The following C8orf34 variants were observed in gnomAD, a reference collection of about 807,000 sequenced individuals.
C8orf34 encodes the protein chromosome 8 open reading frame 34, also known as uncharacterized protein C8orf34.
A neutral mutation model predicts 68.3 loss-of-function variants in C8orf34; 65 were observed. That is an observed-to-expected ratio of 0.95 (90% CI 0.78 to 1.17). The LOEUF (loss-of-function observed/expected upper bound fraction) is 1.17, where lower values mean the gene tolerates loss of function less well. C8orf34 is among the 50% of genes most tolerant of loss of function. C8orf34 has a pLI of 0.00. For synonymous variants in C8orf34, 244 were observed against 241.2 expected, an observed-to-expected ratio of 1.01 and a Z score of -0.11; for missense variants, 664 against 655.4, an observed-to-expected ratio of 1.01 and a Z score of -0.14.
intron 1 of C8orf34, among the ~76,000 whole-genome samples, chr8:68,349,303 C>T (rs1234962244): frequency 1.3e-5 from 2 of 152,012 alleles, no homozygotes; most frequent in Admixed American, 6.6e-5. Context: ...GTTGAACCAG[C>T]TTTGCATCCT....
intron 1 of C8orf34, among the ~76,000 whole-genome samples, chr8:68,386,065 C>T (rs1276538341): frequency 3.3e-5 from 5 of 152,062 alleles, no homozygotes; most frequent in Non-Finnish European, 7.4e-5. Context: ...GTCCACCACA[C>T]TTGGTTAAGG....
At chr8:68,386,203 C>T (rs2676651) in intron 1 of C8orf34, among the ~76,000 whole-genome samples, 13,210 of 152,134 alleles carry the variant, frequency 0.087, 666 homozygotes, top group Middle Eastern at 0.12. Context: ...CACCCATACC[C>T]GGCCTATTTA....
At chr8:68,459,355 G>A (rs781049594) in intron 3 of C8orf34, among the ~76,000 whole-genome samples, 7 of 151,974 alleles carry the variant, frequency 4.6e-5, no homozygotes, top group Non-Finnish European at 1.0e-4. Context: ...TCAGCCTCCC[G>A]AGTAGCTGGG....
intron 7 of C8orf34, among the ~76,000 whole-genome samples, chr8:68,588,752 A>T (rs1167487667): frequency 6.6e-6 from 1 of 152,180 alleles, no homozygotes; most frequent in Non-Finnish European, 1.5e-5. Flanking sequence ...ATGACAGAAA[A>T]TTGGTAAAAT....
At chr8:68,463,478 G>A (rs1700915584) in intron 3 of C8orf34, among the ~76,000 whole-genome samples, 1 of 152,106 alleles carries the variant, frequency 6.6e-6, no homozygotes, top group African/African-American at 2.4e-5. Flanking sequence ...GCCGGGCAGA[G>A]ACAAAACCAA....
chr8:68,711,318 A>G (rs148201052), intron 9 of C8orf34, among the ~76,000 whole-genome samples: 2 of 152,294 alleles, frequency 1.3e-5, no homozygotes, highest in East Asian at 3.9e-4. Context: ...AGTCAAGAGG[A>G]AATCTGAATT....
At chr8:68,378,934 C>T (rs1014402023) in intron 1 of C8orf34, among the ~76,000 whole-genome samples, 1 of 151,810 alleles carries the variant, frequency 6.6e-6, no homozygotes, top group African/African-American at 2.4e-5. Flanking sequence ...AGAAGAAAGG[C>T]CTAATATTAT....
intron 1 of C8orf34, among the ~76,000 whole-genome samples, chr8:68,356,710 C>G (rs976267145): frequency 4.0e-5 from 6 of 151,810 alleles, no homozygotes; most frequent in Non-Finnish European, 7.4e-5. Flanking sequence ...AAGTTCTTAG[C>G]AACAATAAAA....
intron 7 of C8orf34, among the ~76,000 whole-genome samples, chr8:68,592,146 G>C (rs906017880): frequency 8.6e-5 from 13 of 152,020 alleles, no homozygotes; most frequent in African/African-American, 2.9e-4. Context: ...TTATTTTATA[G>C]AGATATTTTT....
At chr8:68,463,388 C>A (rs2129629270) in intron 3 of C8orf34, among the ~76,000 whole-genome samples, 1 of 152,296 alleles carries the variant, frequency 6.6e-6, no homozygotes, top group Admixed American at 6.5e-5. Context: ...ACCATTCCTT[C>A]TGAAACTATT....
intron 1 of C8orf34, among the ~76,000 whole-genome samples, chr8:68,378,541 G>C (rs1469158097): frequency 6.6e-6 from 1 of 152,084 alleles, no homozygotes; most frequent in Non-Finnish European, 1.5e-5. Flanking sequence ...TCCTGCCTCA[G>C]CCTCCCAAAG....
intron 7 of C8orf34, among the ~76,000 whole-genome samples, chr8:68,600,646 TTG>T (rs886875149): frequency 7.2e-5 from 11 of 152,178 alleles, no homozygotes; most frequent in African/African-American, 2.7e-4. Context: ...TACATAATAT[TTG>T]TGCATATTTA....
chr8:68,511,816 A>G (rs1459996404), intron 5 of C8orf34, among the ~76,000 whole-genome samples: 1 of 152,190 alleles, frequency 6.6e-6, no homozygotes, highest in Non-Finnish European at 1.5e-5. Flanking sequence ...AACTTACTCA[A>G]TTATTAAAGG....
intron 7 of C8orf34, among the ~76,000 whole-genome samples, chr8:68,552,067 A>C (rs73268445): frequency 0.18 from 27,241 of 152,066 alleles, 2,962 homozygotes; most frequent in African/African-American, 0.31. Context: ...CTGGACTCTC[A>C]ATTTTATTCC....
chr8:68,707,651 C>T (rs1821206395), intron 8 of C8orf34, among the ~76,000 whole-genome samples: 1 of 152,068 alleles, frequency 6.6e-6, no homozygotes, highest in Admixed American at 6.6e-5. Context: ...TCATGGCTCA[C>T]TGCAGACTCA....
intron 7 of C8orf34, among the ~76,000 whole-genome samples, chr8:68,543,524 ATTAC>A (rs1469087292): frequency 6.6e-6 from 1 of 152,146 alleles, no homozygotes; most frequent in African/African-American, 2.4e-5. Flanking sequence ...ATTTCTGTAT[ATTAC>A]TTAACAATCA....
chr8:68,720,969 A>G (rs903178129), intron 9 of C8orf34, among the ~76,000 whole-genome samples: 1 of 151,956 alleles, frequency 6.6e-6, no homozygotes, highest in African/African-American at 2.4e-5. Context: ...AATATTACTC[A>G]AATTGTGTAA....
rs150798459 is a variant in C8orf34, at chr8:68,740,389, T to G, written c.1404+18952T>G. On this transcript the variant is annotated intron_variant, in intron 10 of 13. Coordinates refer to ENST00000518698, the MANE Select transcript of C8orf34 (RefSeq NM_052958.4). ...TAATATTCAGCATCTATAGGGAACT[T>G]AAACAAATTTACAAGAAAAAAAACC... 3.7e-3 allele frequency among the ~76,000 whole-genome samples: 556 copies of G among 152,080 alleles called. 4 individuals are homozygous for G. The highest frequency in any genetic ancestry group is 6.8e-3 in the Middle Eastern group (2 of 294).
At chr8:68,645,660 T>C (rs1360081259) in intron 8 of C8orf34, among the ~76,000 whole-genome samples, 1 of 152,200 alleles carries the variant, frequency 6.6e-6, no homozygotes, top group Non-Finnish European at 1.5e-5. Context: ...GTTGTGAAAT[T>C]GAAACAATAC....
Sources: allele counts gnomAD v4.1 joint callset (sites outside exome capture counted in the v4.1 genomes callset), GRCh38; gene constraint gnomAD v4.1.1; transcripts MANE v1.5; gene names NCBI Gene and HGNC (gene_info 2026-07-23, HGNC 2026-07-21).